The following STAT5B variants were observed in gnomAD, a reference collection of about 807,000 sequenced individuals.
STAT5B encodes the protein signal transducer and activator of transcription 5B, also known as transcription factor STAT5B.
In STAT5B, 21 loss-of-function variants were observed where a neutral mutation model predicts 107.8. The ratio of observed to expected loss-of-function variants is 0.19; its 90% confidence interval spans 0.14 to 0.28. STAT5B has a LOEUF of 0.28. Among genes scored for constraint, STAT5B ranks in the 10% least tolerant of loss-of-function variants. The pLI is 1.00. For synonymous variants in STAT5B, 325 were observed against 401.7 expected (o/e 0.81, Z 2.28); for missense variants, 565 against 1,008.2 (o/e 0.56, Z 5.95).
chr17:42,233,097 A>G (rs1046663207), intron 1 of STAT5B, among the ~76,000 whole-genome samples: 13 of 152,082 alleles, frequency 8.5e-5, no homozygotes, highest in Non-Finnish European at 1.8e-4. Flanking sequence ...CTCAGCTCCC[A>G]AAGGGCTGGG....
chr17:42,210,346 A>G, intron 14 of STAT5B, 45 bp from the exon 15 acceptor site: 1 of 1,614,230 alleles, frequency 6.2e-7, no homozygotes, highest in Non-Finnish European at 8.5e-7. Context: ...GTGACTTACG[A>G]TGCCAGAGAG....
chr17:42,225,964 C>T (rs2080269398), intron 3 of STAT5B, among the ~76,000 whole-genome samples: 1 of 152,082 alleles, frequency 6.6e-6, no homozygotes, highest in Non-Finnish European at 1.5e-5. Context: ...GATGGAATTT[C>T]ACTCTTGTCA....
intron 16 of STAT5B, among the ~76,000 whole-genome samples, chr17:42,206,777 G>A (rs745951495): frequency 4.0e-5 from 6 of 151,634 alleles, no homozygotes; most frequent in African/African-American, 4.9e-5. Context: ...GTTTCTCCAC[G>A]TTGGTCAGGC....
chr17:42,211,937 G>T, intron 13 of STAT5B, 47 bp downstream of exon 13: 2 of 1,570,824 alleles, frequency 1.3e-6, no homozygotes, highest in South Asian at 1.2e-5. Context: ...GAGAGCATCT[G>T]GTTGGGAAGG....
intron 9 of STAT5B, 30 bp from the exon 10 acceptor site, chr17:42,217,494 C>T (rs2080182249): frequency 1.9e-6 from 3 of 1,612,958 alleles, no homozygotes; most frequent in Non-Finnish European, 2.5e-6. Context: ...CAGCTCCAAA[C>T]CCATGCCAGG....
intron 12 of STAT5B, 152 bp downstream of exon 12, chr17:42,215,862 T>C: frequency 6.1e-6 from 5 of 820,494 alleles, no homozygotes; most frequent in Admixed American, 2.1e-5. Context: ...CCTCAGGTGA[T>C]CCAACCGCCT....
chr17:42,211,804 AT>A (rs1473127483), intron 13 of STAT5B, among the ~76,000 whole-genome samples, 179 bp downstream of exon 13: 1 of 152,226 alleles, frequency 6.6e-6, no homozygotes, highest in Non-Finnish European at 1.5e-5. Flanking sequence ...ATATGCAAAG[AT>A]GTAATTTTCT....
intron 3 of STAT5B, among the ~76,000 whole-genome samples, chr17:42,225,776 C>T (rs1308950131): frequency 2.0e-5 from 3 of 151,900 alleles, no homozygotes; most frequent in Admixed American, 6.6e-5. Context: ...TTCTGAGCTG[C>T]GGTTGGTGGA....
At chr17:42,203,028 C>A in intron 16 of STAT5B, 1 of 596,594 alleles carries the variant, frequency 1.7e-6, no homozygotes, top group South Asian at 1.8e-5. Context: ...CTGCAGCCTC[C>A]GCCTCCCAGG....
At chr17:42,261,324 T>A (rs897405192) in intron 1 of STAT5B, among the ~76,000 whole-genome samples, 4 of 152,234 alleles carry the variant, frequency 2.6e-5, no homozygotes, top group Non-Finnish European at 4.4e-5. Context: ...TGTAGGCATA[T>A]TGAACAATAT....
At chr17:42,255,088 TA>T (rs542388692) in intron 1 of STAT5B, among the ~76,000 whole-genome samples, 92 of 144,634 alleles carry the variant, frequency 6.4e-4, no homozygotes, top group Middle Eastern at 3.5e-3. Context: ...AGACTCCGTC[TA>T]AAAAAAAAAA....
At chr17:42,285,017 TAGGCTGCAGAC>T in the STAT5B span, among the ~76,000 whole-genome samples, 1 of 152,188 alleles carries the variant, frequency 6.6e-6, no homozygotes, top group Non-Finnish European at 1.5e-5. Flanking sequence ...AACTGAAGCC[TAGGCTGCAGAC>T]TATTATTATT....
the STAT5B span, among the ~76,000 whole-genome samples, chr17:42,287,385 G>A: frequency 6.6e-6 from 1 of 151,836 alleles, no homozygotes; most frequent in South Asian, 2.1e-4. Flanking sequence ...GTGGGCAGCT[G>A]GGCTGGCCCC....
intron 4 of STAT5B, 35 bp downstream of exon 4, chr17:42,224,744 C>G: frequency 1.2e-6 from 2 of 1,609,230 alleles, no homozygotes; most frequent in Non-Finnish European, 1.7e-6. Flanking sequence ...GAAAAGACTT[C>G]CCGACTGCCC....
At chr17:42,213,741 C>T (rs998957032) in intron 12 of STAT5B, among the ~76,000 whole-genome samples, 21 of 150,984 alleles carry the variant, frequency 1.4e-4, no homozygotes, top group Non-Finnish European at 3.0e-4. Flanking sequence ...GTTGGCCAAG[C>T]TGGTCTCGAA....
chr17:42,265,235 G>C (rs920883472), intron 1 of STAT5B, among the ~76,000 whole-genome samples: 3 of 151,988 alleles, frequency 2.0e-5, no homozygotes, highest in African/African-American at 7.3e-5. Context: ...TGTCAATTTT[G>C]TCTTTTGTTG....
chr17:42,227,805 T>G (rs1442173277), intron 2 of STAT5B, 120 bp from the exon 3 acceptor site: 1 of 1,063,794 alleles, frequency 9.4e-7, no homozygotes, highest in Non-Finnish European at 1.4e-6. Context: ...TCACTGCAAA[T>G]TTTAAGAAAC....
At chr17:42,204,926 T>A (rs186760319) in intron 16 of STAT5B, among the ~76,000 whole-genome samples, 1 of 152,302 alleles carries the variant, frequency 6.6e-6, no homozygotes, top group Non-Finnish European at 1.5e-5. Context: ...AAATTATAAG[T>A]ATCTTAAATA....
At chr17:42,247,458 C>G (rs78906147) in intron 1 of STAT5B, among the ~76,000 whole-genome samples, 1 of 152,122 alleles carries the variant, frequency 6.6e-6, no homozygotes, top group Non-Finnish European at 1.5e-5. Context: ...TAAAACAATA[C>G]AAAACTGAAA....
Sources: gnomAD v4.1 joint callset for allele counts (sites outside exome capture counted in the v4.1 genomes callset) on GRCh38, gnomAD v4.1.1 for gene constraint, MANE v1.5 for transcripts, NCBI Gene and HGNC (gene_info 2026-07-23, HGNC 2026-07-21) for gene names.